CHLSN: variants seen among roughly 807,000 people sequenced by gnomAD.
CHLSN encodes the protein cholesin, also known as protein cholesin.
the CHLSN span, among the ~76,000 whole-genome samples, chr7:1,125,581 G>C: frequency 6.7e-6 from 1 of 149,998 alleles, no homozygotes; most frequent in Non-Finnish European, 1.5e-5. Context: ...ACCACAGAAT[G>C]GTCTCAAAGT....
At chr7:1,016,986 A>ACGC in the CHLSN span, among the ~76,000 whole-genome samples, 1 of 142,216 alleles carries the variant, frequency 7.0e-6, no homozygotes, top group African/African-American at 2.6e-5. Context: ...ACACCAGCGC[A>ACGC]CAGCAGCGCA....
chr7:981,054 G>A, the CHLSN span, among the ~76,000 whole-genome samples: 1 of 152,018 alleles, frequency 6.6e-6, no homozygotes, highest in African/African-American at 2.4e-5. Flanking sequence ...CCAGTGCTTT[G>A]GGAGGCCAAG....
chr7:1,108,395 C>G, the CHLSN span, among the ~76,000 whole-genome samples: 1 of 145,088 alleles, frequency 6.9e-6, no homozygotes, highest in African/African-American at 2.6e-5. Flanking sequence ...GTGTCCCGCG[C>G]TCTGCGGGGA....
At chr7:1,011,302 C>A in the CHLSN span, among the ~76,000 whole-genome samples, 14 of 148,488 alleles carry the variant, frequency 9.4e-5, no homozygotes, top group African/African-American at 3.5e-4. Context: ...CCAACACCCA[C>A]ACGCCCAGAC....
chr7:1,008,938 C>T, the CHLSN span, among the ~76,000 whole-genome samples: 2 of 148,386 alleles, frequency 1.3e-5, no homozygotes, highest in East Asian at 4.1e-4. Flanking sequence ...CATACATGCA[C>T]ACGCACACCC....
chr7:1,005,749 G>A, the CHLSN span, among the ~76,000 whole-genome samples: 688 of 152,362 alleles, frequency 4.5e-3, 5 homozygotes, highest in African/African-American at 0.016. Context: ...GGCTTGGGCT[G>A]CCCCACGGCA....
the CHLSN span, among the ~76,000 whole-genome samples, chr7:1,009,642 G>A: frequency 1.3e-5 from 2 of 152,174 alleles, no homozygotes; most frequent in Admixed American, 1.3e-4. Flanking sequence ...GCAGCACCCA[G>A]GCCCGTGGAT....
chr7:1,080,249 T>C, the CHLSN span, among the ~76,000 whole-genome samples: 8 of 152,246 alleles, frequency 5.3e-5, no homozygotes, highest in Non-Finnish European at 8.8e-5. Flanking sequence ...AAACCCTGTA[T>C]GTGAACATTT....
At chr7:1,099,356 G>C in the CHLSN span, among the ~76,000 whole-genome samples, 1 of 152,262 alleles carries the variant, frequency 6.6e-6, no homozygotes, top group Admixed American at 6.5e-5. Context: ...GCCCTGTGCT[G>C]GTGGGCCACG....
the CHLSN span, among the ~76,000 whole-genome samples, chr7:1,085,887 T>A: frequency 6.6e-6 from 1 of 151,918 alleles, no homozygotes; most frequent in Non-Finnish European, 1.5e-5. Context: ...TTACAAATAG[T>A]CCACGAGATT....
At chr7:1,076,649 C>T in the CHLSN span, among the ~76,000 whole-genome samples, 149 of 152,364 alleles carry the variant, frequency 9.8e-4, no homozygotes, top group African/African-American at 3.2e-3. Flanking sequence ...TGGGAAAAGC[C>T]GCAGAGGGAA....
the CHLSN span, among the ~76,000 whole-genome samples, chr7:1,106,403 G>A: frequency 6.6e-6 from 1 of 152,228 alleles, no homozygotes; most frequent in African/African-American, 2.4e-5. Context: ...CCGTGTGGGG[G>A]AGAGGACAGA....
the CHLSN span, among the ~76,000 whole-genome samples, chr7:1,023,847 C>A: frequency 1.3e-5 from 2 of 152,102 alleles, no homozygotes; most frequent in Admixed American, 6.5e-5. This position sits in a 1 kb window ranked among gnomAD's most constrained non-coding sequence, Gnocchi z 5.0. Context: ...TCCACAGCAG[C>A]CCTTTCCTTT....
chr7:1,026,476 C>T, the CHLSN span: 1 of 152,258 alleles, frequency 6.6e-6, no homozygotes. Context: ...CCTGTGGAAG[C>T]CACCGCTAAC....
the CHLSN span, among the ~76,000 whole-genome samples, chr7:981,597 C>G: frequency 6.6e-6 from 1 of 152,084 alleles, no homozygotes; most frequent in Non-Finnish European, 1.5e-5. Context: ...GCCTGTAATC[C>G]CAGCTACTCG....
At chr7:1,124,491 A>C in the CHLSN span, among the ~76,000 whole-genome samples, 1 of 145,978 alleles carries the variant, frequency 6.9e-6, no homozygotes, top group Non-Finnish European at 1.5e-5. Context: ...ACCAGCGTCC[A>C]TCTGGAACCC....
At chr7:1,054,306 CTCA>C in the CHLSN span, among the ~76,000 whole-genome samples, 1 of 152,224 alleles carries the variant, frequency 6.6e-6, no homozygotes, top group Non-Finnish European at 1.5e-5. Flanking sequence ...AGAAACCATC[CTCA>C]TCATTGATAC....
At chr7:988,622 A>C in the CHLSN span, 2 of 1,603,164 alleles carry the variant, frequency 1.2e-6, no homozygotes, top group Admixed American at 1.7e-5. Context: ...CTGTGCCTGG[A>C]CATCCCCCGC....
chr7:1,009,852 AC>A, the CHLSN span: 1 of 1,092,606 alleles, frequency 9.2e-7, no homozygotes, highest in Non-Finnish European at 1.3e-6. Context: ...CTGCTCTAGA[AC>A]CTTCCACACA....
Sources: allele counts gnomAD v4.1 joint callset (sites outside exome capture counted in the v4.1 genomes callset), GRCh38; gene constraint gnomAD v4.1.1; non-coding constraint Gnocchi (gnomAD v3.1); transcripts MANE v1.5; gene names NCBI Gene and HGNC (gene_info 2026-07-23, HGNC 2026-07-21).